Variants in NEMP1 observed in about 807,000 individuals in gnomAD.
NEMP1 encodes the protein transmembrane protein 194.
A neutral mutation model predicts 53.7 loss-of-function variants in NEMP1; 29 were observed. The observed-to-expected ratio is 0.54, with a 90% CI of 0.40 to 0.74. The LOEUF is 0.74. Ranked by LOEUF, NEMP1 falls within the 30% of genes least tolerant of loss-of-function variation. NEMP1 has a pLI of 0.00. For missense variants in NEMP1, 477 were observed against 528.6 expected (o/e 0.90, Z 0.96); for synonymous variants, 193 against 192.9 (o/e 1.00, Z 0.00).
At position 57,064,681 on chromosome 12, in the gene NEMP1, T is replaced by C; in HGVS notation, c.604A>G (p.Ile202Val). ...AACTTAGATAGTATAAAAATGATGA[T>C]TAGCAGAGAGGCCACAATTCCCACA... is the stretch of plus-strand genomic sequence containing the variant. ...MTVGIVASLLIIIFILSKFMP... is the reference protein window; with the variant it reads ...MTVGIVASLLVIIFILSKFMP... The change falls in exon 5 of 9, where the codon ATC becomes GTC. Residue 202 changes from isoleucine (I) to valine (V), a missense_variant. Physicochemically the swap from Ile to Val is conservative, Grantham distance 29 (BLOSUM62 3). Coordinates refer to ENST00000300128, the MANE Select transcript of NEMP1 (RefSeq NM_001130963.2). 6.2e-7 allele frequency: 1 copy of C among 1,613,010 alleles called. No individual in the cohort carries two copies.
chr12:57,085,822 A>G (rs1565669885), intron 1 of NEMP1, among the ~76,000 whole-genome samples: 1 of 152,250 alleles, frequency 6.6e-6, no homozygotes, highest in Non-Finnish European at 1.5e-5. Context: ...TATGGAAAAC[A>G]AATGTCTTCA....
chr12:57,073,441 A>G (rs1378314054), intron 1 of NEMP1, among the ~76,000 whole-genome samples: 3 of 151,896 alleles, frequency 2.0e-5, no homozygotes, highest in Non-Finnish European at 1.5e-5. Context: ...GAAGTTTGAG[A>G]TCAGCCTGAC....
chr12:57,086,608 C>T (rs1310434116), intron 1 of NEMP1, among the ~76,000 whole-genome samples: 1 of 152,174 alleles, frequency 6.6e-6, no homozygotes, highest in African/African-American at 2.4e-5. Context: ...TTGCCTCTTT[C>T]CCTTTGCTAC....
upstream of NEMP1, chr12:57,088,095 ACT>A (rs2033070076): frequency 6.6e-6 from 1 of 151,556 alleles, no homozygotes; most frequent in Non-Finnish European, 1.5e-5. Flanking sequence ...CTTCCACTAG[ACT>A]CTCGGGCGAG....
intron 4 of NEMP1, among the ~76,000 whole-genome samples, chr12:57,065,353 A>C (rs1040524344): frequency 1.3e-5 from 2 of 152,158 alleles, no homozygotes; most frequent in African/African-American, 4.8e-5. Flanking sequence ...CTTTGAAGCT[A>C]GGCACTGACT....
intron 3 of NEMP1, among the ~76,000 whole-genome samples, chr12:57,069,990 T>C (rs1565661544): frequency 6.6e-6 from 1 of 151,894 alleles, no homozygotes; most frequent in South Asian, 2.1e-4. Context: ...CTAGGACAAA[T>C]GGAAGGGCAC....
chr12:57,087,792 T>G (rs1457712496), intron 1 of NEMP1, among the ~76,000 whole-genome samples: 1 of 151,886 alleles, frequency 6.6e-6, no homozygotes, highest in Non-Finnish European at 1.5e-5. Context: ...GGGCTGAGAT[T>G]CCGGACTAGG....
chr12:57,069,986 C>G (rs2032272128), intron 3 of NEMP1, among the ~76,000 whole-genome samples: 1 of 151,986 alleles, frequency 6.6e-6, no homozygotes, highest in African/African-American at 2.4e-5. Context: ...AACCCTAGGA[C>G]AAATGGAAGG....
Position 57,078,715 on chromosome 12 carries a change from G to A in NEMP1, c.31C>T (p.Pro11Ser), listed in dbSNP as rs986262943. 3 of 1,612,488 alleles carry A rather than the reference G, an allele frequency of 1.9e-6. No homozygotes were observed. The highest frequency in any genetic ancestry group is 1.3e-5 in the African/African-American group (1 of 74,860). ...CCCCAGGGCCCGGGACCAACTGCCGGCGAGACCGCCACTTTCATTCCTCCC... is the reference window on the plus strand; with the variant it reads ...CCCCAGGGCCCGGGACCAACTGCCGACGAGACCGCCACTTTCATTCCTCCC... MAGGMKVAVSPAVGPGPWGSG... is the reference protein window; with the variant it reads MAGGMKVAVSSAVGPGPWGSG... Residue 11 changes from proline (P) to serine (S), a missense_variant, in exon 1 of 9, where the codon CCG becomes TCG. By Grantham distance (74) the Pro-to-Ser change is moderately conservative. Coordinates refer to ENST00000300128, the MANE Select transcript of NEMP1 (RefSeq NM_001130963.2).
chr12:57,080,585 G>GAA (rs34664557), upstream of NEMP1, among the ~76,000 whole-genome samples: 809 of 137,466 alleles, frequency 5.9e-3, 5 homozygotes, highest in East Asian at 0.017. Flanking sequence ...TCTCAAAAGA[G>GAA]AAAAAAAAAA....
chr12:57,074,909 G>A (rs1050735589), intron 1 of NEMP1, among the ~76,000 whole-genome samples: 40 of 151,446 alleles, frequency 2.6e-4, no homozygotes, highest in Admixed American at 3.3e-4. Context: ...CCAACATGGT[G>A]AAACCCCGTC....
intron 2 of NEMP1, 77 bp downstream of exon 2, chr12:57,072,709 AAG>A (rs2032409753): frequency 1.4e-6 from 2 of 1,446,112 alleles, no homozygotes; most frequent in African/African-American, 2.8e-5. Flanking sequence ...TGTGAAGGGG[AAG>A]AAAGTGTCAA....
In NEMP1 at chr12:57,059,897, CTG is replaced by C. The variant is rs1413975382; in HGVS notation, c.1315_1316del (p.Gln439GlufsTer49). 1 of 1,613,534 alleles carries C rather than the reference CTG, an allele frequency of 6.2e-7. No individual in the cohort carries two copies. On this transcript the variant is annotated frameshift_variant, in exon 9 of 9. Transcript: ENST00000300128. LOFTEE classifies it high-confidence loss of function. ...DSYSRCPAIT[Q>X]NNFLT Reference sequence around the variant, plus strand: ...CCACTACCTAGGTTAGAAAGTTGTTCTGTGTGATAGCAGGACACCGAGAATAT... The same window carrying C: ...CCACTACCTAGGTTAGAAAGTTGTTCTGTGATAGCAGGACACCGAGAATAT...
Position 57,057,420 on chromosome 12 carries a change from C to G in NEMP1, c.*2459G>C, listed in dbSNP as rs944200577. On this transcript the variant is annotated 3_prime_UTR_variant, in exon 9 of 9. Transcript: ENST00000300128. ...ATGGGGTCTTCAAGTAGTGACTGAG[C>G]CAGCAAACTAAGTGGCCAAGAGGGA... 6 of 152,318 alleles carry G rather than the reference C, an allele frequency of 3.9e-5. No homozygotes were observed. Among genetic ancestry groups the G allele is most frequent in the African/African-American group, 1.4e-4 (6 of 41,434 alleles). 9.4% of individuals were successfully genotyped at this position (152,318 alleles called of 1,614,324 possible).
chr12:57,078,525 T>C, intron 1 of NEMP1, 94 bp downstream of exon 1: 1 of 1,483,920 alleles, frequency 6.7e-7, no homozygotes, highest in Non-Finnish European at 9.0e-7. Flanking sequence ...ACCGCCCTTC[T>C]GCAGAGTAAC....
At chr12:57,078,832 A>T (rs1211431824), upstream of NEMP1, 14 of 1,444,880 alleles carry the variant, frequency 9.7e-6, no homozygotes, top group South Asian at 1.4e-5. Flanking sequence ...CCTCTACGAA[A>T]CCCGCCCCTA....
At chr12:57,063,710 G>A (rs2031931821) in intron 6 of NEMP1, among the ~76,000 whole-genome samples, 1 of 152,116 alleles carries the variant, frequency 6.6e-6, no homozygotes, top group South Asian at 2.1e-4. Context: ...AGTTCATTCA[G>A]AAATGAAGGA....
At chr12:57,087,026 C>G (rs1368948793) in intron 1 of NEMP1, among the ~76,000 whole-genome samples, 1 of 152,230 alleles carries the variant, frequency 6.6e-6, no homozygotes, top group Non-Finnish European at 1.5e-5. Flanking sequence ...GGGTTCGCAC[C>G]CGGACCCCCG....
In NEMP1 at chr12:57,063,188, G is replaced by C. The variant is rs537356134; in HGVS notation, c.911C>G (p.Ala304Gly). The change falls in exon 7 of 9, where the codon GCC becomes GGC. Residue 304 changes from alanine (A) to glycine (G), a missense_variant. By Grantham distance (60) the Ala-to-Gly change is moderately conservative. Transcript: ENST00000300128. The part of the protein sequence containing the change: ...SGIQIPHIAL[A>G]IIIIALCTKN... The stretch of plus-strand genomic sequence containing the variant: ...AGTACAAAGAGCAATGATGATAATG[G>C]CAAGGGCAATATGTGGTATCTGGAT... 1.8e-4 allele frequency: 284 copies of C among 1,614,166 alleles called. 1 individual carries two copies. The South Asian group carries it at 2.9e-3, about 16-fold the overall frequency.
Sources: gnomAD v4.1 joint callset for allele counts (sites outside exome capture counted in the v4.1 genomes callset) on GRCh38, gnomAD v4.1.1 for gene constraint, MANE v1.5 for transcripts, NCBI Gene and HGNC (gene_info 2026-07-23, HGNC 2026-07-21) for gene names.